Variants in PSD3 observed in about 807,000 individuals in gnomAD.
PSD3 encodes the protein PH and SEC7 domain-containing protein 3.
A neutral mutation model predicts 105.5 loss-of-function variants in PSD3; 49 were observed. That is an observed-to-expected ratio of 0.46 (90% CI 0.37 to 0.59). The LOEUF is 0.59. PSD3 is among the 20% of genes least tolerant of loss of function. PSD3 has a pLI of 0.00. For missense variants in PSD3, 1,561 were observed against 1,263.8 expected (o/e 1.24, Z -3.57); for synonymous variants, 557 against 457.8 (o/e 1.22, Z -2.77).
intron 9 of PSD3, among the ~76,000 whole-genome samples, chr8:18,746,900 T>C (rs544679584): frequency 1.2e-3 from 177 of 152,358 alleles, no homozygotes; most frequent in Middle Eastern, 3.4e-3. Flanking sequence ...AGCAAATGAA[T>C]AGAAGGGCAC....
rs1823945427 is a variant in PSD3, at chr8:18,961,807, C to T, written c.22-25665G>A. 4.6e-5 allele frequency among the ~76,000 whole-genome samples: 7 copies of T among 152,196 alleles called. No individual in the cohort carries two copies. The South Asian group carries it at 1.5e-3, about 32-fold the overall frequency. ...TCAAGAACATGATAAATCAGATATA[C>T]CGCCTAACAAAACTATTCCTAAATC... On this transcript the variant is annotated intron_variant, in intron 1 of 15. Coordinates refer to ENST00000327040, the MANE Select transcript of PSD3 (RefSeq NM_015310.4).
At chr8:18,575,651 C>G (rs1802421112) in intron 12 of PSD3, among the ~76,000 whole-genome samples, 1 of 152,120 alleles carries the variant, frequency 6.6e-6, no homozygotes, top group African/African-American at 2.4e-5. Context: ...GATTTGGTTT[C>G]AGGATTAAAT....
At position 18,655,624 on chromosome 8, in the gene PSD3, G is replaced by A. The variant is rs748068739; in HGVS notation, c.2216+18C>T. ...GTGAGTAGTTCATTATTAAAAGGCT[G>A]ACGTCCAGCACACTTACACTGCCCA... On this transcript the variant is annotated intron_variant, in intron 10 of 15. Transcript: ENST00000327040. The A allele has an allele frequency of 6.8e-6, 11 of 1,612,054 alleles. No individual in the cohort carries two copies. In the South Asian group the frequency reaches 1.1e-4, roughly 16 times the overall value.
intron 11 of PSD3, among the ~76,000 whole-genome samples, chr8:18,630,084 G>A (rs528499900): frequency 3.3e-5 from 5 of 151,884 alleles, no homozygotes; most frequent in South Asian, 4.1e-4. Context: ...AGATGGGCAC[G>A]TCTTAACCCA....
chr8:18,566,150 A>T (rs1476130318), intron 14 of PSD3, among the ~76,000 whole-genome samples: 1 of 152,112 alleles, frequency 6.6e-6, no homozygotes, highest in African/African-American at 2.4e-5. Flanking sequence ...TTAATTTTAC[A>T]TATGTGTTTC....
chr8:18,819,198 G>A (rs567630516), intron 4 of PSD3, among the ~76,000 whole-genome samples: 1 of 152,306 alleles, frequency 6.6e-6, no homozygotes, highest in East Asian at 1.9e-4. Flanking sequence ...GTAAACAGCT[G>A]TTGACAAAGC....
chr8:18,819,596 T>TTTTTTG (rs59004555), intron 4 of PSD3, among the ~76,000 whole-genome samples: 1 of 144,376 alleles, frequency 6.9e-6, no homozygotes, highest in African/African-American at 2.6e-5. Flanking sequence ...TTTTTTTTTT[T>TTTTTTG]GAGATGGAGT....
intron 6 of PSD3, among the ~76,000 whole-genome samples, chr8:18,801,694 G>T (rs934187081): frequency 2.0e-5 from 3 of 152,152 alleles, no homozygotes; most frequent in Non-Finnish European, 4.4e-5. Flanking sequence ...GCCGGGCATG[G>T]TGGTGGGCGC....
chr8:18,546,334 G>T (rs1007805115), intron 15 of PSD3, among the ~76,000 whole-genome samples: 3 of 152,114 alleles, frequency 2.0e-5, no homozygotes, highest in Non-Finnish European at 4.4e-5. Flanking sequence ...TCCAGTTTAA[G>T]TGATCCTTTA....
rs143433674 is a variant in PSD3, at chr8:18,867,748, G to A, written c.1560C>T (p.Gly520=). The A allele has an allele frequency of 4.3e-5, 70 of 1,614,050 alleles. No individual in the cohort carries two copies. In the East Asian group the frequency reaches 6.5e-4, roughly 15 times the overall value. The part of the protein sequence containing the change: ...DGGIVMGYSS[G]VTNGLNDASD... ...TGGCATCATTCAGCCCATTGGTGAC[G>A]CCACTAGAATAGCCCATCACGATGC... Residue 520 remains glycine (G), a synonymous_variant, in exon 4 of 16, where the codon GGC becomes GGT. Coordinates refer to ENST00000327040, the MANE Select transcript of PSD3 (RefSeq NM_015310.4).
chr8:18,911,103 GTCAA>G (rs1282594136), intron 2 of PSD3, among the ~76,000 whole-genome samples: 2 of 152,070 alleles, frequency 1.3e-5, no homozygotes, highest in Non-Finnish European at 2.9e-5. Context: ...ATGAGGCCAT[GTCAA>G]TCAATCAGTC....
chr8:18,910,601 A>G (rs1268454913), intron 2 of PSD3, among the ~76,000 whole-genome samples: 1 of 126,664 alleles, frequency 7.9e-6, no homozygotes, highest in Non-Finnish European at 1.6e-5. Context: ...ACTAACCTGC[A>G]CAATGTGCAC....
chr8:18,529,985 C>A lies in PSD3; in HGVS notation c.*5758G>T, dbSNP rs182324474. On this transcript the variant is annotated 3_prime_UTR_variant, in exon 16 of 16. Coordinates refer to ENST00000327040, the MANE Select transcript of PSD3 (RefSeq NM_015310.4). ...TTGAGACTATAGAGTTAATTAACAACAACAAAAAAATGCCTCAAGTGTAAC... is the reference window on the plus strand; with the variant it reads ...TTGAGACTATAGAGTTAATTAACAAAAACAAAAAAATGCCTCAAGTGTAAC... 6.6e-6 allele frequency: 1 copy of A among 152,238 alleles called. No homozygotes were observed. The highest frequency in any genetic ancestry group is 2.4e-5 in the African/African-American group (1 of 41,408). The allele number at this position is 152,238 out of a possible 1,614,324, so 9.4% of individuals were successfully genotyped here.
At chr8:18,808,739 G>A in intron 4 of PSD3, 1 of 1,613,964 alleles carries the variant, frequency 6.2e-7, no homozygotes, top group Non-Finnish European at 8.5e-7. Flanking sequence ...ACAATATGAT[G>A]GCAATATAAA....
intron 1 of PSD3, among the ~76,000 whole-genome samples, chr8:19,043,723 C>T (rs1444223104): frequency 6.6e-6 from 1 of 152,126 alleles, no homozygotes; most frequent in Non-Finnish European, 1.5e-5. Flanking sequence ...GAGTAGGCTC[C>T]TTCTTTTGCC....
chr8:18,815,909 G>T (rs1277852133), intron 4 of PSD3, among the ~76,000 whole-genome samples: 1 of 152,136 alleles, frequency 6.6e-6, no homozygotes, highest in Admixed American at 6.5e-5. Context: ...TATAGGGAAG[G>T]TTTCTTGGAT....
chr8:18,543,279 G>C (rs950630191), intron 15 of PSD3, among the ~76,000 whole-genome samples: 1 of 151,718 alleles, frequency 6.6e-6, no homozygotes, highest in Non-Finnish European at 1.5e-5. Flanking sequence ...TTTTTTTGCT[G>C]TATTTCTTTA....
At chr8:18,662,798 T>C (rs1406385958) in intron 9 of PSD3, among the ~76,000 whole-genome samples, 2 of 152,362 alleles carry the variant, frequency 1.3e-5, no homozygotes, top group African/African-American at 2.4e-5. Flanking sequence ...TTTTTTGCCA[T>C]GGTTTTTGAT....
chr8:18,773,095 T>C (rs1047593881), intron 8 of PSD3, among the ~76,000 whole-genome samples: 5 of 152,170 alleles, frequency 3.3e-5, no homozygotes, highest in Non-Finnish European at 7.4e-5. Flanking sequence ...TGCCGGCACA[T>C]ACAATAACGT....
Sources: gnomAD v4.1 joint callset for allele counts (sites outside exome capture counted in the v4.1 genomes callset) on GRCh38, gnomAD v4.1.1 for gene constraint, MANE v1.5 for transcripts, NCBI Gene and HGNC (gene_info 2026-07-23, HGNC 2026-07-21) for gene names.